Variants in PACRGL observed in about 807,000 individuals in gnomAD.
The protein encoded by PACRGL is PACRG-like protein.
In PACRGL, 38 loss-of-function variants were observed where a neutral mutation model predicts 34.5. The observed-to-expected ratio is 1.10, with a 90% CI of 0.85 to 1.44. PACRGL has a LOEUF of 1.44. Among genes scored for constraint, PACRGL ranks in the 40% most tolerant of loss-of-function variants. The probability of loss-of-function intolerance (pLI) is 0.00; values close to 1 mark genes in which losing one functional copy is unlikely to be tolerated. For synonymous variants in PACRGL, 128 were observed against 100.1 expected (o/e 1.28, Z -1.66); for missense variants, 305 against 281.4 (o/e 1.08, Z -0.60).
At chr4:20,724,075 C>T (rs1744636715) in intron 7 of PACRGL, among the ~76,000 whole-genome samples, 2 of 152,142 alleles carry the variant, frequency 1.3e-5, no homozygotes, top group Non-Finnish European at 2.9e-5. Context: ...AGTTACTGAA[C>T]CCCTGTATAC....
At position 20,727,381 on chromosome 4, in the gene PACRGL, C is replaced by A; in HGVS notation, c.*40C>A. 1 of 1,501,328 alleles carries A rather than the reference C, an allele frequency of 6.7e-7. No individual in the cohort carries two copies. Among genetic ancestry groups the A allele is most frequent in the Non-Finnish European group, 9.3e-7 (1 of 1,078,202 alleles). 93.0% of individuals were successfully genotyped at this position (1,501,328 alleles called of 1,614,324 possible). A position where few individuals can be genotyped will look rare whatever the true frequency, so the allele number is the denominator to read the frequency against. On this transcript the variant is annotated 3_prime_UTR_variant, in exon 9 of 9. Transcript: ENST00000503585. ...AAAAATTGTTTTTTCTACCTGTTGA[C>A]GTGTCAAGCACTAACTGTGGGTACT...
Position 20,704,385 on chromosome 4 carries a change from G to C in PACRGL, c.-16-81G>C, listed in dbSNP as rs148722318. ...TGTCTTTTACTGTATTGTATACTCT[G>C]TTCTGGTTTTGTCTTTTTATTGATA... On this transcript the variant is annotated intron_variant, in intron 1 of 8. Transcript: ENST00000503585. 1.1e-3 allele frequency: 1,488 copies of C among 1,310,670 alleles called. 9 individuals carry two copies. The highest frequency in any genetic ancestry group is 8.4e-3 in the African/African-American group (563 of 67,368). The allele number at this position is 1,310,670 out of a possible 1,614,324, so 81.2% of individuals were successfully genotyped here. A position where few individuals can be genotyped will look rare whatever the true frequency, so the allele number is the denominator to read the frequency against.
At chr4:20,759,523 T>G in the PACRGL span, among the ~76,000 whole-genome samples, 1 of 152,096 alleles carries the variant, frequency 6.6e-6, no homozygotes, top group African/African-American at 2.4e-5. Flanking sequence ...TGTCCCTGGG[T>G]CAACTTGTCA....
At chr4:20,710,976 C>G (rs938806105) in intron 5 of PACRGL, among the ~76,000 whole-genome samples, 1 of 151,812 alleles carries the variant, frequency 6.6e-6, no homozygotes, top group African/African-American at 2.4e-5. Flanking sequence ...TCACTTGAGC[C>G]CAGGAGTTTG....
chr4:20,713,389 CTT>C, intron 6 of PACRGL, 41 bp from the exon 7 acceptor site: 2 of 1,461,968 alleles, frequency 1.4e-6, no homozygotes, highest in Non-Finnish European at 1.9e-6. Context: ...TTTCTCCTCT[CTT>C]CCCTGATGTC....
At chr4:20,735,685 C>T (rs1258706290), downstream of PACRGL, among the ~76,000 whole-genome samples, 14 of 151,838 alleles carry the variant, frequency 9.2e-5, no homozygotes, top group Non-Finnish European at 1.9e-4. Flanking sequence ...TACAGGCACC[C>T]GCCACCATGC....
chr4:20,712,569 A>AG (rs1185022256), intron 5 of PACRGL: 19 of 368,864 alleles, frequency 5.2e-5, no homozygotes, highest in East Asian at 1.7e-4. Flanking sequence ...TATCCATTGG[A>AG]GGGGGGGCCC....
At chr4:20,742,186 C>T (rs919689572) in intron 8 of PACRGL, among the ~76,000 whole-genome samples, 1 of 152,102 alleles carries the variant, frequency 6.6e-6, no homozygotes, top group South Asian at 2.1e-4. Context: ...TTCCAATCAA[C>T]AGAAAAAGAG....
At chr4:20,756,172 TA>T (rs61417409), downstream of PACRGL, among the ~76,000 whole-genome samples, 504 of 139,014 alleles carry the variant, frequency 3.6e-3, 2 homozygotes, top group Non-Finnish European at 4.9e-3. Flanking sequence ...TGGAAAGTAG[TA>T]AAAAAAAAAA....
chr4:20,702,301 G>A (rs907238595), intron 1 of PACRGL: 9 of 431,786 alleles, frequency 2.1e-5, no homozygotes, highest in Non-Finnish European at 3.7e-5. Context: ...ACGCGTCTTT[G>A]CTGTGCATCG....
intron 7 of PACRGL, among the ~76,000 whole-genome samples, chr4:20,723,232 G>A (rs1744182118): frequency 6.6e-6 from 1 of 152,142 alleles, no homozygotes; most frequent in East Asian, 1.9e-4. Flanking sequence ...CAGGGGGTGT[G>A]GCTGACCAAC....
intron 8 of PACRGL, among the ~76,000 whole-genome samples, chr4:20,750,304 C>G (rs1753372063): frequency 6.6e-6 from 1 of 152,132 alleles, no homozygotes; most frequent in South Asian, 2.1e-4. Flanking sequence ...TAGCCCTCAG[C>G]CAGTACCAGG....
intron 7 of PACRGL, among the ~76,000 whole-genome samples, chr4:20,714,233 A>G (rs937995013): frequency 1.2e-4 from 18 of 152,088 alleles, no homozygotes; most frequent in African/African-American, 4.3e-4. Context: ...TGTTGAATTG[A>G]TCCCTCTACC....
chr4:20,696,926 A>C (rs140628668), upstream of PACRGL, among the ~76,000 whole-genome samples: 3 of 152,342 alleles, frequency 2.0e-5, no homozygotes, highest in African/African-American at 7.2e-5. Context: ...TGAAGTGATA[A>C]TATTTTGGAC....
chr4:20,738,880 A>G (rs1351283917), intron 8 of PACRGL, among the ~76,000 whole-genome samples: 2 of 152,176 alleles, frequency 1.3e-5, no homozygotes, highest in Non-Finnish European at 2.9e-5. Context: ...GAATCAGGAC[A>G]CTTCCTGCCA....
rs561594635 is a variant in PACRGL at position 20,748,984 on chromosome 4, G to A, written c.*57-3581G>A. Among the ~76,000 whole-genome samples, 18 of 150,720 alleles carry A rather than the reference G, an allele frequency of 1.2e-4. 1 individual carries two copies. In the South Asian group the frequency reaches 3.8e-3, roughly 31 times the overall value. On this transcript the variant is annotated intron_variant, in intron 8 of 8. Coordinates refer to the PACRGL transcript ENST00000507634. ...TTTTACTAGGTGTTTATACACAGTA[G>A]TTCATGAAGGAAATTAAATACTTTC...
chr4:20,721,162 G>A (rs1247884507), intron 7 of PACRGL, among the ~76,000 whole-genome samples: 1 of 152,116 alleles, frequency 6.6e-6, no homozygotes, highest in East Asian at 1.9e-4. Context: ...TCGTGCCATG[G>A]TGTTCAGCTC....
intron 3 of PACRGL, among the ~76,000 whole-genome samples, 175 bp from the exon 4 acceptor site, chr4:20,707,628 A>G (rs572518955): frequency 6.6e-6 from 1 of 152,230 alleles, no homozygotes; most frequent in African/African-American, 2.4e-5. Context: ...AAAGAGATGT[A>G]CCAAGTGTGG....
At chr4:20,711,735 T>C (rs1737325696) in intron 5 of PACRGL, among the ~76,000 whole-genome samples, 1 of 152,182 alleles carries the variant, frequency 6.6e-6, no homozygotes, top group South Asian at 2.1e-4. Context: ...TGACTCACTA[T>C]GATTGGTTAA....
Sources: gnomAD v4.1 joint callset for allele counts (sites outside exome capture counted in the v4.1 genomes callset) on GRCh38, gnomAD v4.1.1 for gene constraint, MANE v1.5 for transcripts, NCBI Gene and HGNC (gene_info 2026-07-23, HGNC 2026-07-21) for gene names.